CKAP2: variants seen among roughly 807,000 people sequenced by gnomAD.
CKAP2 encodes cytoskeleton associated protein 2, also known as cytoskeleton-associated protein 2.
A neutral mutation model predicts 58.4 loss-of-function variants in CKAP2; 46 were observed. The ratio of observed to expected loss-of-function variants is 0.79; its 90% CI spans 0.62 to 1.01. The LOEUF (loss-of-function observed/expected upper bound fraction) is 1.01, where lower values mean the gene tolerates loss of function less well. Among genes scored for constraint, CKAP2 ranks in the 50% least tolerant of loss-of-function variants. CKAP2 has a pLI of 0.00. For missense variants in CKAP2, 809 were observed against 796.4 expected (o/e 1.02, Z -0.19); for synonymous variants, 293 against 280.9 (o/e 1.04, Z -0.43).
At position 52,461,745 on chromosome 13, in the gene CKAP2, A is replaced by G. The variant is rs751679471; in HGVS notation, c.919A>G (p.Ile307Val). 7.4e-6 allele frequency: 12 copies of G among 1,613,612 alleles called. No individual in the cohort carries two copies. Among genetic ancestry groups the G allele is most frequent in the East Asian group, 2.2e-5 (1 of 44,894 alleles). ...TGTCAAAACCAGTTCTTCTCAAGGT[A>G]TAATAAGAAATAAGACTCTATCAAG... ...SSVKTSSSQG[I>V]IRNKTLSRSI... Residue 307 changes from isoleucine (I) to valine (V), a missense_variant, in exon 4 of 9, where the codon ATA becomes GTA. Transcript: ENST00000258607.
intron 2 of CKAP2, among the ~76,000 whole-genome samples, chr13:52,458,023 G>T (rs1245311908): frequency 6.6e-6 from 1 of 152,138 alleles, no homozygotes; most frequent in Non-Finnish European, 1.5e-5. Context: ...GCAACTTTGT[G>T]TAAGTTTGGC....
intron 6 of CKAP2, among the ~76,000 whole-genome samples, chr13:52,466,326 A>G (rs185004236): frequency 2.6e-4 from 40 of 152,332 alleles, no homozygotes; most frequent in African/African-American, 9.1e-4. Flanking sequence ...GATTGTTTAC[A>G]TAGATAATTT....
chr13:52,462,888 G>A (rs1315497172), intron 5 of CKAP2, among the ~76,000 whole-genome samples: 1 of 152,134 alleles, frequency 6.6e-6, no homozygotes, highest in Non-Finnish European at 1.5e-5. Context: ...TGGAATATTT[G>A]CATATACATA....
intron 2 of CKAP2, among the ~76,000 whole-genome samples, chr13:52,459,984 C>G (rs979779410): frequency 6.6e-6 from 1 of 152,058 alleles, no homozygotes; most frequent in Non-Finnish European, 1.5e-5. Context: ...CCCAGCCTCC[C>G]AAGTAGCTGG....
chr13:52,466,515 A>T (rs1170703183), intron 6 of CKAP2, among the ~76,000 whole-genome samples: 1 of 152,176 alleles, frequency 6.6e-6, no homozygotes, highest in Non-Finnish European at 1.5e-5. Context: ...CCTGGAGGGG[A>T]GTGTTAGGCC....
chr13:52,456,275 A>C, intron 1 of CKAP2: 3 of 858,308 alleles, frequency 3.5e-6, no homozygotes, highest in Non-Finnish European at 3.1e-6. Flanking sequence ...GATGTTCTCC[A>C]GATTTTTCAC....
chr13:52,459,807 A>T (rs1594134277), intron 2 of CKAP2, among the ~76,000 whole-genome samples: 1 of 152,292 alleles, frequency 6.6e-6, no homozygotes, highest in East Asian at 1.9e-4. Flanking sequence ...TATAGCTGTA[A>T]AAATAAGTTA....
rs768078904 is a variant in CKAP2, at chr13:52,460,930, C to T, written c.187C>T (p.Gln63Ter). The T allele has an allele frequency of 1.2e-6, 2 of 1,612,970 alleles. No homozygotes were observed. The highest frequency in any genetic ancestry group is 1.7e-6 in the Non-Finnish European group (2 of 1,179,802). ...TCAGAGAGTTGTGACATCTGAGGAC[C>T]AAGTTCAAGAAGGGACTAAAGTGCT... ...RDQRVVTSED[Q>*]VQEGTKVLKL... The change falls in exon 3 of 9, where the codon CAA becomes TAA. Residue 63 changes from glutamine (Q) to a stop codon, truncating the protein, a stop_gained. Coordinates refer to ENST00000258607, the MANE Select transcript of CKAP2 (RefSeq NM_018204.5). LOFTEE classifies it high-confidence loss of function.
chr13:52,476,159 T>G lies in CKAP2; in HGVS notation c.*1018T>G, dbSNP rs561067451. 26 of 152,370 alleles carry G rather than the reference T, an allele frequency of 1.7e-4. No individual in the cohort carries two copies. In the South Asian group the frequency reaches 4.6e-3, roughly 27 times the overall value. The allele number at this position is 152,370 out of a possible 1,614,324, so 9.4% of individuals were successfully genotyped here. Reference sequence around the variant, plus strand: ...TATGGCATATATCAACTCTACAGTTTCAAATAAATGACTTTTTAATTGTAA... The same window carrying G: ...TATGGCATATATCAACTCTACAGTTGCAAATAAATGACTTTTTAATTGTAA... On this transcript the variant is annotated 3_prime_UTR_variant, in exon 9 of 9. Transcript: ENST00000258607.
intron 2 of CKAP2, among the ~76,000 whole-genome samples, chr13:52,458,480 A>T (rs1289152955): frequency 2.6e-5 from 4 of 152,238 alleles, no homozygotes; most frequent in Non-Finnish European, 5.9e-5. Flanking sequence ...GAATCCAACA[A>T]GGTCAGGGGT....
intron 8 of CKAP2, among the ~76,000 whole-genome samples, chr13:52,474,594 A>G (rs1958803060): frequency 6.6e-6 from 1 of 152,234 alleles, no homozygotes; most frequent in African/African-American, 2.4e-5. Context: ...CCATTTTGAA[A>G]AAGAAAACTT....
In CKAP2 at chr13:52,475,245, A is replaced by G. The variant is rs1461228666; in HGVS notation, c.*104A>G. ...TAGGTCTGGAGTTGGCCATGTACCT[A>G]TGTATCCTAAGCATTCACGGCAGTG... On this transcript the variant is annotated 3_prime_UTR_variant, in exon 9 of 9. Coordinates refer to ENST00000258607, the MANE Select transcript of CKAP2 (RefSeq NM_018204.5). 2 of 1,389,314 alleles carry G rather than the reference A, an allele frequency of 1.4e-6. No individual in the cohort carries two copies. The highest frequency in any genetic ancestry group is 1.4e-5 in the African/African-American group (1 of 69,424). 86.1% of individuals were successfully genotyped at this position (1,389,314 alleles called of 1,614,324 possible).
Position 52,461,769 on chromosome 13 carries a change from A to G in CKAP2, c.943A>G (p.Arg315Gly). Residue 315 changes from arginine to glycine, a missense_variant, in exon 4 of 9, where the codon AGA (arginine) becomes GGA (glycine). Arg to Gly is a moderately radical substitution (Grantham distance 125). Around this residue, in one of 3 missense-constraint regions of CKAP2, gnomAD observed 523 missense variants for 492.4 expected, o/e 1.06. Transcript: ENST00000258607. ...QGIIRNKTLS[R>G]SIASEVIARP... ...TATAATAAGAAATAAGACTCTATCAAGATCCATAGCATCTGAAGTTATAGC... is the reference window on the plus strand; with the variant it reads ...TATAATAAGAAATAAGACTCTATCAGGATCCATAGCATCTGAAGTTATAGC... 1.9e-6 allele frequency: 3 copies of G among 1,614,090 alleles called. No individual in the cohort carries two copies. Among genetic ancestry groups the G allele is most frequent in the Non-Finnish European group, 2.5e-6 (3 of 1,179,924 alleles).
At chr13:52,474,765 C>T (rs1958805096) in intron 8 of CKAP2, 130 bp from the exon 9 acceptor site, 1 of 884,000 alleles carries the variant, frequency 1.1e-6, no homozygotes, top group Non-Finnish European at 1.7e-6. Context: ...TATAGTACCT[C>T]TCTAAAAGAC....
At chr13:52,470,031 CATATT>C (rs1958740167) in intron 7 of CKAP2, among the ~76,000 whole-genome samples, 1 of 151,772 alleles carries the variant, frequency 6.6e-6, no homozygotes, top group African/African-American at 2.4e-5. Context: ...TATTTGAGTG[CATATT>C]ATATACCATC....
intron 2 of CKAP2, 46 bp from the exon 3 acceptor site, chr13:52,460,853 T>C: frequency 1.3e-6 from 2 of 1,538,750 alleles, no homozygotes; most frequent in Non-Finnish European, 1.8e-6. Context: ...GGAAGCCTCC[T>C]TGGTACAGGA....
chr13:52,455,501 G>C lies in CKAP2; in HGVS notation c.-56G>C, dbSNP rs899142272. ...GTGCAGACTGCGGCGGCGGTGGTCT[G>C]AGGAAGTTCTATCTTGGCGCTAAAG... On this transcript the variant is annotated 5_prime_UTR_variant, in exon 1 of 9. Coordinates refer to ENST00000258607, the MANE Select transcript of CKAP2 (RefSeq NM_018204.5). 10 of 1,605,498 alleles carry C rather than the reference G, an allele frequency of 6.2e-6. No homozygotes were observed. In the East Asian group the frequency reaches 1.8e-4, roughly 29 times the overall value.
Position 52,465,295 on chromosome 13 carries a change from G to T in CKAP2, c.1306G>T (p.Gly436Ter), listed in dbSNP as rs1310099062. ...CACACATTTTTTCTTGCTTTTTTAGGGATGTCCAAAAGAAGATATACTGGT... is the reference window on the plus strand; with the variant it reads ...CACACATTTTTTCTTGCTTTTTTAGTGATGTCCAAAAGAAGATATACTGGT... The part of the protein sequence containing the change: ...FSECLNLINE[G>*]CPKEDILVTL... Residue 436 changes from glycine (G) to a stop codon, truncating the protein, a stop_gained and splice_region_variant, in exon 6 of 9, where the codon GGA becomes TGA. Transcript: ENST00000258607. LOFTEE classifies it high-confidence loss of function. 1 of 1,597,802 alleles carries T rather than the reference G, an allele frequency of 6.3e-7. No individual in the cohort carries two copies. Among genetic ancestry groups the T allele is most frequent in the African/African-American group, 1.4e-5 (1 of 73,768 alleles).
intron 7 of CKAP2, among the ~76,000 whole-genome samples, chr13:52,470,008 T>C (rs1342434248): frequency 1.3e-5 from 2 of 152,198 alleles, no homozygotes; most frequent in African/African-American, 4.8e-5. Flanking sequence ...CTGTATATTA[T>C]ACAGTCAACA....
Sources: gnomAD v4.1 joint callset for allele counts (sites outside exome capture counted in the v4.1 genomes callset) on GRCh38, gnomAD v4.1.1 for gene constraint, gnomAD v4.1.1 regional missense constraint, MANE v1.5 for transcripts, NCBI Gene and HGNC (gene_info 2026-07-23, HGNC 2026-07-21) for gene names.